PLPPR1: variants seen among roughly 807,000 people sequenced by gnomAD.
PLPPR1 encodes the protein phospholipid phosphatase-related protein type 1.
PLPPR1 carries 10 observed loss-of-function variants against 33.1 expected under a neutral mutation model. That is an observed-to-expected ratio of 0.30 (90% CI 0.19 to 0.51). The LOEUF (loss-of-function observed/expected upper bound fraction) is 0.51. Among genes scored for constraint, PLPPR1 ranks in the 20% least tolerant of loss-of-function variants. The pLI, the probability that PLPPR1 is intolerant of heterozygous loss-of-function variation, is 0.97. For missense variants in PLPPR1, 304 were observed against 408.1 expected (o/e 0.74, Z 2.20); for synonymous variants, 151 against 151.0 (o/e 1.00, Z 0.00).
intron 5 of PLPPR1, among the ~76,000 whole-genome samples, chr9:101,311,127 AAATT>A (rs1175321858): frequency 6.6e-6 from 1 of 152,184 alleles, no homozygotes; most frequent in Non-Finnish European, 1.5e-5. Flanking sequence ...TTGCTGTGTG[AAATT>A]AATTTTTATA....
intron 1 of PLPPR1, among the ~76,000 whole-genome samples, chr9:101,098,887 C>A (rs1254482473): frequency 6.6e-6 from 1 of 152,058 alleles, no homozygotes; most frequent in Non-Finnish European, 1.5e-5. Context: ...TATAAGAGAA[C>A]AAGAGCTCAC....
chr9:101,278,719 C>T (rs903614264), intron 3 of PLPPR1, among the ~76,000 whole-genome samples: 2 of 152,164 alleles, frequency 1.3e-5, no homozygotes, highest in African/African-American at 4.8e-5. Flanking sequence ...AGTCCCAGTC[C>T]TGGGTGGGAC....
intron 3 of PLPPR1, among the ~76,000 whole-genome samples, chr9:101,274,500 A>C (rs1828153589): frequency 6.6e-6 from 1 of 152,250 alleles, no homozygotes; most frequent in African/African-American, 2.4e-5. Flanking sequence ...GGCAAAGAGC[A>C]GCGTGGCCTT....
intron 4 of PLPPR1, among the ~76,000 whole-genome samples, chr9:101,304,779 C>G (rs1381537860): frequency 6.6e-6 from 1 of 152,186 alleles, no homozygotes. Flanking sequence ...TACTAGAGCT[C>G]CTCAGCTCCA....
intron 1 of PLPPR1, among the ~76,000 whole-genome samples, chr9:101,077,723 C>G (rs1291419103): frequency 6.6e-6 from 1 of 152,022 alleles, no homozygotes; most frequent in Non-Finnish European, 1.5e-5. Flanking sequence ...AGAGTCATCC[C>G]AAATTGAGGC....
At chr9:101,198,379 G>C (rs1478427199) in intron 2 of PLPPR1, among the ~76,000 whole-genome samples, 4 of 152,174 alleles carry the variant, frequency 2.6e-5, no homozygotes, top group Non-Finnish European at 5.9e-5. Flanking sequence ...TAGAGGTTAA[G>C]TAACTTGTCT....
At chr9:101,292,260 G>T (rs1828525051) in intron 4 of PLPPR1, among the ~76,000 whole-genome samples, 1 of 152,066 alleles carries the variant, frequency 6.6e-6, no homozygotes, top group Non-Finnish European at 1.5e-5. Flanking sequence ...AAAAAGAAAT[G>T]AACAAAGCCT....
chr9:101,141,995 C>T (rs1419892444), intron 1 of PLPPR1, among the ~76,000 whole-genome samples: 1 of 152,188 alleles, frequency 6.6e-6, no homozygotes, highest in Non-Finnish European at 1.5e-5. Flanking sequence ...CCAATTGGTT[C>T]TCCCTGTTCA....
In PLPPR1 at chr9:101,078,178, AGAAGAAGAG is replaced by A. The variant is rs1564138260; in HGVS notation, c.-46+49079_-46+49087del. Among the ~76,000 whole-genome samples, 150 of 20,738 alleles carry A rather than the reference AGAAGAAGAG, an allele frequency of 7.2e-3. 3 individuals carry two copies. Among genetic ancestry groups the A allele is most frequent in the East Asian group, 0.012 (3 of 246 alleles). 13.6% of individuals were successfully genotyped at this position (20,738 alleles called of 152,430 possible). A position where few individuals can be genotyped will look rare whatever the true frequency, so the allele number is the denominator to read the frequency against. ...AAGAAGAAGAAGAAGAAGAAGAAGAAGAAGAAGAGGAGGGGGGGAGGGGGAGGGGGAGGG... is the reference window on the plus strand; with the variant it reads ...AAGAAGAAGAAGAAGAAGAAGAAGAAGAGGGGGGGAGGGGGAGGGGGAGGG... On this transcript the variant is annotated intron_variant, in intron 1 of 7. Coordinates refer to ENST00000374874, the MANE Select transcript of PLPPR1 (RefSeq NM_207299.2).
rs548876740 is a variant in PLPPR1, at chr9:101,197,525, A to G, written c.63+11968A>G. On this transcript the variant is annotated intron_variant, in intron 2 of 7. Coordinates refer to ENST00000374874, the MANE Select transcript of PLPPR1 (RefSeq NM_207299.2). Reference sequence around the variant, plus strand: ...CTCAGATATGCCAGGTGTGTTGGTCATGGCAATAGATATTGCAGGCTCCAA... The same window carrying G: ...CTCAGATATGCCAGGTGTGTTGGTCGTGGCAATAGATATTGCAGGCTCCAA... 1.2e-4 allele frequency among the ~76,000 whole-genome samples: 18 copies of G among 152,330 alleles called. 1 individual carries two copies. In the South Asian group the frequency reaches 3.7e-3, roughly 32 times the overall value.
At chr9:101,126,006 GC>G in intron 1 of PLPPR1, 2 of 226,792 alleles carry the variant, frequency 8.8e-6, no homozygotes, top group South Asian at 3.0e-4. Flanking sequence ...CTTGTCCTAT[GC>G]AAAGCAGCCC....
chr9:101,312,261 C>T (rs1828972948), intron 5 of PLPPR1, among the ~76,000 whole-genome samples: 1 of 151,842 alleles, frequency 6.6e-6, no homozygotes, highest in African/African-American at 2.4e-5. Flanking sequence ...CTAATTCAGC[C>T]TATCAACTAA....
chr9:101,052,859 C>A (rs1474537091), intron 1 of PLPPR1, among the ~76,000 whole-genome samples: 2 of 152,158 alleles, frequency 1.3e-5, no homozygotes, highest in Non-Finnish European at 2.9e-5. Flanking sequence ...TCAACTGAGG[C>A]TCTTTTTGCT....
intron 3 of PLPPR1, among the ~76,000 whole-genome samples, chr9:101,271,550 G>A (rs1828102395): frequency 6.6e-6 from 1 of 152,110 alleles, no homozygotes. Context: ...TCTCTTACCA[G>A]CCTACAGAAT....
intron 2 of PLPPR1, among the ~76,000 whole-genome samples, chr9:101,262,025 A>G (rs1201464665): frequency 6.6e-6 from 1 of 152,134 alleles, no homozygotes; most frequent in Admixed American, 6.6e-5. Context: ...AACTAACTGG[A>G]GACTTACTAG....
At chr9:101,041,139 G>A (rs1341104630) in intron 1 of PLPPR1, among the ~76,000 whole-genome samples, 4 of 152,142 alleles carry the variant, frequency 2.6e-5, no homozygotes, top group Admixed American at 1.3e-4. Flanking sequence ...CCTGGGTTTC[G>A]AGTACATGGA....
rs549287340 is a variant in PLPPR1 at position 101,078,691 on chromosome 9, A to AAAAT, written c.-46+49610_-46+49613dup. Among the ~76,000 whole-genome samples the AAAAT allele has an allele frequency of 3.3e-3, 495 of 152,132 alleles. 6 individuals are homozygous for AAAAT. Among genetic ancestry groups the AAAAT allele is most frequent in the Admixed American group, 0.025 (387 of 15,272 alleles). On this transcript the variant is annotated intron_variant, in intron 1 of 7. Coordinates refer to ENST00000374874, the MANE Select transcript of PLPPR1 (RefSeq NM_207299.2). Reference sequence around the variant, plus strand: ...CTGGGCGACAGAGTGACTCCATCTCAAAATAAATAAATAAATAAATAAATC... The same window carrying AAAAT: ...CTGGGCGACAGAGTGACTCCATCTCAAAATAAATAAATAAATAAATAAATAAATC...
chr9:101,205,544 T>C (rs555581925), intron 2 of PLPPR1, among the ~76,000 whole-genome samples: 13 of 152,334 alleles, frequency 8.5e-5, no homozygotes, highest in African/African-American at 3.1e-4. Flanking sequence ...GGGGACATCA[T>C]ATGTATTTAA....
At chr9:101,298,800 A>C (rs1390031590) in intron 4 of PLPPR1, among the ~76,000 whole-genome samples, 1 of 152,178 alleles carries the variant, frequency 6.6e-6, no homozygotes, top group African/African-American at 2.4e-5. Flanking sequence ...ATAAATTATA[A>C]TGTTAGAAGA....
Sources: gnomAD v4.1 joint callset for allele counts (sites outside exome capture counted in the v4.1 genomes callset) on GRCh38, gnomAD v4.1.1 for gene constraint, MANE v1.5 for transcripts, NCBI Gene and HGNC (gene_info 2026-07-23, HGNC 2026-07-21) for gene names.